EPS15: variants seen among roughly 807,000 people sequenced by gnomAD.
EPS15 encodes epidermal growth factor receptor substrate 15.
A neutral mutation model predicts 113.8 loss-of-function variants in EPS15; 72 were observed. The ratio of observed to expected loss-of-function variants is 0.63; its 90% CI spans 0.52 to 0.77. The LOEUF (loss-of-function observed/expected upper bound fraction) is 0.77, where lower values mean the gene tolerates loss of function less well. Ranked by LOEUF, EPS15 falls within the 30% of genes least tolerant of loss-of-function variation. EPS15 has a pLI of 0.00. For synonymous variants in EPS15, 344 were observed against 363.4 expected, an observed-to-expected ratio of 0.95 and a Z score of 0.61; for missense variants, 1,048 against 1,045.8, an observed-to-expected ratio of 1.00 and a Z score of -0.03.
intron 21 of EPS15, among the ~76,000 whole-genome samples, chr1:51,385,763 C>G (rs1460109382): frequency 6.6e-6 from 1 of 152,026 alleles, no homozygotes; most frequent in African/African-American, 2.4e-5. Flanking sequence ...TATGGATGAA[C>G]CTTGAGGACA....
chr1:51,437,535 C>A (rs1401333121), intron 12 of EPS15, among the ~76,000 whole-genome samples: 40 of 150,200 alleles, frequency 2.7e-4, no homozygotes, highest in African/African-American at 9.1e-4. Context: ...ACTGTGTTGC[C>A]CAGGCTGGAG....
At chr1:51,495,554 A>C (rs1644311368) in intron 1 of EPS15, among the ~76,000 whole-genome samples, 1 of 152,102 alleles carries the variant, frequency 6.6e-6, no homozygotes, top group Non-Finnish European at 1.5e-5. Flanking sequence ...TTTCAAAAAA[A>C]TCAAGTGTAA....
chr1:51,474,461 A>C (rs1655458671), intron 2 of EPS15, among the ~76,000 whole-genome samples: 1 of 152,242 alleles, frequency 6.6e-6, no homozygotes, highest in South Asian at 2.1e-4. Flanking sequence ...AAGAAGATGT[A>C]CTTCATAAAA....
At chr1:51,501,824 A>T (rs1341009821) in intron 1 of EPS15, among the ~76,000 whole-genome samples, 1 of 152,274 alleles carries the variant, frequency 6.6e-6, no homozygotes, top group Non-Finnish European at 1.5e-5. Context: ...GCAAAAGGCT[A>T]AGTGAACTTC....
intron 5 of EPS15, among the ~76,000 whole-genome samples, chr1:51,468,090 C>G (rs1335873111): frequency 6.6e-6 from 1 of 152,028 alleles, no homozygotes; most frequent in East Asian, 1.9e-4. Context: ...TCCCAAGTAG[C>G]TGGGACCAGA....
At chr1:51,409,112 G>A (rs1649437670) in intron 14 of EPS15, among the ~76,000 whole-genome samples, 1 of 151,862 alleles carries the variant, frequency 6.6e-6, no homozygotes, top group Non-Finnish European at 1.5e-5. Context: ...GTAGAGATGG[G>A]ATTTCTCCAT....
rs57219279 is a variant in EPS15 at position 51,391,455 on chromosome 1, TAATAAAATAAAATAAAATAAAATAA to T, written c.2119+2901_2119+2925del. Among the ~76,000 whole-genome samples, 33 of 148,352 alleles carry T rather than the reference TAATAAAATAAAATAAAATAAAATAA, an allele frequency of 2.2e-4. No individual in the cohort carries two copies. The East Asian group carries it at 5.9e-3, about 27-fold the overall frequency. On this transcript the variant is annotated intron_variant, in intron 21 of 24. Transcript: ENST00000371733. ...ATTGTGCACATGTACCCTAAAACTT[TAATAAAATAAAATAAAATAAAATAA>T]AATAAAATAAAATAAAAGATTTGTC...
chr1:51,469,870 A>T (rs1222990994), intron 4 of EPS15, among the ~76,000 whole-genome samples: 6 of 140,244 alleles, frequency 4.3e-5, no homozygotes, highest in African/African-American at 1.1e-4. Flanking sequence ...GAATAGCCTT[A>T]AAAAAAAAAA....
At chr1:51,467,438 A>G (rs1482499098) in intron 5 of EPS15, among the ~76,000 whole-genome samples, 1 of 152,256 alleles carries the variant, frequency 6.6e-6, no homozygotes, top group Non-Finnish European at 1.5e-5. Context: ...AAGCCTATCA[A>G]TAGAAAGTTA....
chr1:51,453,664 TAATAAG>T (rs1340802649), intron 8 of EPS15, among the ~76,000 whole-genome samples: 3 of 152,126 alleles, frequency 2.0e-5, no homozygotes, highest in Non-Finnish European at 4.4e-5. Context: ...AAAATTTTAT[TAATAAG>T]AATAATAAAA....
chr1:51,390,435 C>T (rs1251434595), intron 21 of EPS15, among the ~76,000 whole-genome samples: 1 of 152,096 alleles, frequency 6.6e-6, no homozygotes, highest in Non-Finnish European at 1.5e-5. Flanking sequence ...ACACCAAAAG[C>T]AATGACAACA....
At chr1:51,490,914 C>T (rs1437463900) in intron 1 of EPS15, among the ~76,000 whole-genome samples, 2 of 152,032 alleles carry the variant, frequency 1.3e-5, no homozygotes, top group African/African-American at 4.8e-5. Flanking sequence ...CCTGTTTTTG[C>T]TATTGCTGTA....
At chr1:51,363,753 CAT>C (rs1646441770) in intron 23 of EPS15, 111 bp downstream of exon 23, 11 of 896,772 alleles carry the variant, frequency 1.2e-5, no homozygotes, top group Non-Finnish European at 1.8e-5. Flanking sequence ...AGGCTTCTGA[CAT>C]ATGTTTGACT....
At chr1:51,376,080 A>AATGCC (rs1421462942) in intron 21 of EPS15, among the ~76,000 whole-genome samples, 1 of 152,264 alleles carries the variant, frequency 6.6e-6, no homozygotes, top group Non-Finnish European at 1.5e-5. Flanking sequence ...ACTGGAAGAA[A>AATGCC]ATGCCATCTA....
chr1:51,492,240 C>T (rs1240179416), intron 1 of EPS15, among the ~76,000 whole-genome samples: 1 of 152,132 alleles, frequency 6.6e-6, no homozygotes, highest in African/African-American at 2.4e-5. Context: ...TCAGATAGGG[C>T]TCCTGCCTTC....
rs766147106 is a variant in EPS15, at chr1:51,447,130, T to A, written c.652-25A>T. The A allele has an allele frequency of 4.4e-6, 7 of 1,574,636 alleles. No individual in the cohort carries two copies. In the East Asian group the frequency reaches 1.6e-4, roughly 35 times the overall value. ...ACTACAGGGAGGAAAAAAAACAGTA[T>A]TTCTGCCAAAATGAAACAAACTTTG... On this transcript the variant is annotated intron_variant, in intron 9 of 24. Transcript: ENST00000371733.
rs75799443 is a variant in EPS15 at position 51,413,727 on chromosome 1, T to C, written c.1114-4031A>G. 9.3e-3 allele frequency among the ~76,000 whole-genome samples: 1,424 copies of C among 152,320 alleles called. 23 individuals carry two copies. The highest frequency in any genetic ancestry group is 0.033 in the African/African-American group (1,356 of 41,578). The stretch of plus-strand genomic sequence containing the variant: ...TTCATTATTTGGAAATAATCATTAC[T>C]GCTTTAACATGTCACTGTGGCATAT... On this transcript the variant is annotated intron_variant, in intron 13 of 24. Transcript: ENST00000371733.
chr1:51,515,146 C>T (rs1644691836), intron 1 of EPS15, among the ~76,000 whole-genome samples: 1 of 152,008 alleles, frequency 6.6e-6, no homozygotes, highest in African/African-American at 2.4e-5. Context: ...TTCTGTAATA[C>T]AGTTATATCA....
At chr1:51,466,379 TG>T (rs1254569336) in intron 5 of EPS15, among the ~76,000 whole-genome samples, 1 of 151,838 alleles carries the variant, frequency 6.6e-6, no homozygotes, top group East Asian at 1.9e-4. Flanking sequence ...CCCAGAACTT[TG>T]GGAGGTCAAG....
Sources: gnomAD v4.1 joint callset for allele counts (sites outside exome capture counted in the v4.1 genomes callset) on GRCh38, gnomAD v4.1.1 for gene constraint, MANE v1.5 for transcripts, NCBI Gene and HGNC (gene_info 2026-07-23, HGNC 2026-07-21) for gene names.